Variants in HKDC1 observed in about 807,000 individuals in gnomAD.
HKDC1 encodes hexokinase domain containing 1.
HKDC1 carries 66 observed loss-of-function variants against 96.6 expected under a neutral mutation model. That is an observed-to-expected ratio of 0.68 (90% confidence interval 0.56 to 0.84). The LOEUF is 0.84. Ranked by LOEUF, HKDC1 falls within the 40% of genes least tolerant of loss-of-function variation. The probability of loss-of-function intolerance (pLI) is 0.00; values close to 1 mark genes in which losing one functional copy is unlikely to be tolerated. For missense variants in HKDC1, 1,211 were observed against 1,208.1 expected, an observed-to-expected ratio of 1.00 and a Z score of -0.04; for synonymous variants, 466 against 473.1, an observed-to-expected ratio of 0.98 and a Z score of 0.20.
chr10:69,250,752 G>T (rs1312999664), intron 12 of HKDC1, 100 bp downstream of exon 12: 41 of 1,362,968 alleles, frequency 3.0e-5, no homozygotes, highest in Non-Finnish European at 4.0e-5. Context: ...TTTTTACAGG[G>T]ATCTTGGGTT....
chr10:69,250,626 C>T lies in HKDC1; in HGVS notation c.1810C>T (p.Pro604Ser), dbSNP rs755664551. The change falls in exon 12 of 18, where the codon CCC (proline) becomes TCC (serine). Residue 604 changes from proline (P) to serine (S), a missense_variant. Coordinates refer to ENST00000354624, the MANE Select transcript of HKDC1 (RefSeq NM_025130.4). ...ACCTTTGGGCTTCACATTCTCATTT[C>T]CCTGCAGGCAGATGAGCATTGACAA... is the stretch of plus-strand genomic sequence containing the variant. ...SLPLGFTFSF[P>S]CRQMSIDKGT... 7.9e-5 allele frequency: 128 copies of T among 1,613,826 alleles called. No individual in the cohort carries two copies. The highest frequency in any genetic ancestry group is 1.0e-4 in the Non-Finnish European group (119 of 1,180,012).
intron 8 of HKDC1, among the ~76,000 whole-genome samples, chr10:69,246,736 C>T (rs918951798): frequency 5.3e-5 from 8 of 152,346 alleles, no homozygotes; most frequent in African/African-American, 1.9e-4. Context: ...ACAGGTCCCT[C>T]GCATGGAGCT....
chr10:69,248,599 C>T lies in HKDC1; in HGVS notation c.1441C>T (p.Arg481Ter), dbSNP rs1043037706. ...GGTGCTGGCTTTGTTCCAGCTGACC[C>T]GAGAGCAGCTCGTGGACGTGCAGGC... ...DRVLALFQLT[R>*]EQLVDVQAKM... Residue 481 changes from arginine to a stop codon, truncating the protein, a stop_gained, in exon 10 of 18, where the codon CGA becomes TGA. Coordinates refer to ENST00000354624, the MANE Select transcript of HKDC1 (RefSeq NM_025130.4). LOFTEE classifies it high-confidence loss of function. 9.9e-6 allele frequency: 16 copies of T among 1,613,990 alleles called. No individual in the cohort carries two copies. In the Middle Eastern group the frequency reaches 4.9e-4, roughly 50 times the overall value.
At chr10:69,249,183 G>A (rs548296709) in intron 10 of HKDC1, among the ~76,000 whole-genome samples, 29 of 152,196 alleles carry the variant, frequency 1.9e-4, no homozygotes, top group Admixed American at 1.6e-3. Flanking sequence ...TCTGGTCCTC[G>A]GTGCTCAGCC....
chr10:69,220,484 G>A lies in HKDC1; in HGVS notation c.49G>A (p.Asp17Asn), dbSNP rs765210386. The A allele has an allele frequency of 1.2e-6, 2 of 1,600,158 alleles. No individual in the cohort carries two copies. Among genetic ancestry groups the A allele is most frequent in the Non-Finnish European group, 1.7e-6 (2 of 1,173,910 alleles). ...MAFYFSKLKEDQIKKVDRFLY... is the reference protein window; with the variant it reads ...MAFYFSKLKENQIKKVDRFLY... ...ATTTTACTTCAGCAAGCTGAAGGAG[G>A]ACCAGATCAAGAAGGTAAGGAGGAC... Residue 17 changes from aspartate to asparagine, a missense_variant, in exon 1 of 18, where the codon GAC (aspartate) becomes AAC (asparagine). Coordinates refer to ENST00000354624, the MANE Select transcript of HKDC1 (RefSeq NM_025130.4).
chr10:69,230,695 C>G (rs543827103), intron 2 of HKDC1, among the ~76,000 whole-genome samples: 277 of 152,338 alleles, frequency 1.8e-3, no homozygotes, highest in African/African-American at 6.2e-3. Flanking sequence ...ATCACTGCAG[C>G]CTTGACCTTC....
In HKDC1 at chr10:69,250,525, C is replaced by T; in HGVS notation, c.1717-8C>T. The stretch of plus-strand genomic sequence containing the variant: ...CTGGTGTGAATGCCGCTCTCTCTCT[C>T]TCTGCAGCTCTTTGATCACATTGTG... On this transcript the variant is annotated splice_region_variant and splice_polypyrimidine_tract_variant and intron_variant, in intron 11 of 17. Coordinates refer to ENST00000354624, the MANE Select transcript of HKDC1 (RefSeq NM_025130.4). 2 of 1,614,110 alleles carry T rather than the reference C, an allele frequency of 1.2e-6. No individual in the cohort carries two copies. The highest frequency in any genetic ancestry group is 8.5e-7 in the Non-Finnish European group (1 of 1,180,016).
rs887127392 is a variant in HKDC1 at position 69,254,311 on chromosome 10, GAA to G, written c.1837-2716_1837-2715del. Among the ~76,000 whole-genome samples the G allele has an allele frequency of 8.2e-5, 12 of 145,566 alleles. 1 individual carries two copies. The East Asian group carries it at 2.3e-3, about 28-fold the overall frequency. ...CAGAGAAGACTCAGTCTCAAAAAGA[GAA>G]AAAAAAAATTTTTTTAACCATTTTC... On this transcript the variant is annotated intron_variant, in intron 12 of 17. Coordinates refer to ENST00000354624, the MANE Select transcript of HKDC1 (RefSeq NM_025130.4).
chr10:69,249,174 C>CT (rs1489589375), intron 10 of HKDC1, among the ~76,000 whole-genome samples: 2 of 152,208 alleles, frequency 1.3e-5, no homozygotes, highest in Non-Finnish European at 2.9e-5. Context: ...CTTGATCCTT[C>CT]TGGTCCTCGG....
chr10:69,266,082 A>G (rs1475322693), intron 17 of HKDC1, among the ~76,000 whole-genome samples: 1 of 152,210 alleles, frequency 6.6e-6, no homozygotes, highest in Non-Finnish European at 1.5e-5. Flanking sequence ...GCCAGCACTA[A>G]TAATCCCTAC....
intron 4 of HKDC1, 63 bp downstream of exon 4, chr10:69,233,196 G>A: frequency 1.2e-6 from 2 of 1,600,550 alleles, no homozygotes; most frequent in East Asian, 2.2e-5. Flanking sequence ...GCACGGGTGG[G>A]AGTCAGGCTG....
At chr10:69,249,211 A>G (rs968531397) in intron 10 of HKDC1, among the ~76,000 whole-genome samples, 1 of 152,220 alleles carries the variant, frequency 6.6e-6, no homozygotes, top group African/African-American at 2.4e-5. Flanking sequence ...GCCACTAAGT[A>G]GTGAAATCAG....
rs1843619445 is a variant in HKDC1, at chr10:69,250,325, A to G, written c.1606A>G (p.Thr536Ala). 4 of 1,614,114 alleles carry G rather than the reference A, an allele frequency of 2.5e-6. No individual in the cohort carries two copies. The highest frequency in any genetic ancestry group is 2.5e-6 in the Non-Finnish European group (3 of 1,179,958). The change falls in exon 11 of 18, where the codon ACC becomes GCC. Residue 536 changes from threonine (T) to alanine (A), a missense_variant. Thr to Ala is a moderately conservative substitution (Grantham distance 58, BLOSUM62 0). Transcript: ENST00000354624. Reference protein sequence around the residue: ...GKFLALDLGGTNFRVLLVKIR... With the variant: ...GKFLALDLGGANFRVLLVKIR... ...GTTTCTCGCCCTGGATCTTGGGGGA[A>G]CCAACTTCCGGGTCCTCCTGGTGAA...
intron 12 of HKDC1, among the ~76,000 whole-genome samples, 190 bp from the exon 13 acceptor site, chr10:69,256,846 A>G (rs1168163457): frequency 6.6e-6 from 1 of 152,120 alleles, no homozygotes; most frequent in African/African-American, 2.4e-5. Flanking sequence ...TCAGTGATAG[A>G]CCTTGTCTGA....
intron 15 of HKDC1, among the ~76,000 whole-genome samples, chr10:69,259,640 C>T (rs1247468712): frequency 6.6e-6 from 1 of 152,164 alleles, no homozygotes; most frequent in African/African-American, 2.4e-5. Flanking sequence ...TTAATTGGCT[C>T]ACAGTTCCAC....
At chr10:69,223,284 C>T (rs1843096264) in intron 1 of HKDC1, 2 of 152,280 alleles carry the variant, frequency 1.3e-5, no homozygotes, top group South Asian at 2.1e-4. Flanking sequence ...CTTTAATTTA[C>T]TTTTAATCTC....
chr10:69,264,880 T>G (rs901946321), intron 16 of HKDC1, among the ~76,000 whole-genome samples: 3 of 152,196 alleles, frequency 2.0e-5, no homozygotes, highest in African/African-American at 7.2e-5. Context: ...TAGTTCACTG[T>G]GAGATGACCA....
At chr10:69,235,196 C>T (rs1564727741) in intron 4 of HKDC1, among the ~76,000 whole-genome samples, 2 of 152,034 alleles carry the variant, frequency 1.3e-5, no homozygotes, top group Non-Finnish European at 2.9e-5. Flanking sequence ...CCGAGGGGGG[C>T]AGATCACCTG....
intron 16 of HKDC1, 48 bp downstream of exon 16, chr10:69,261,342 C>T (rs760624714): frequency 1.0e-5 from 16 of 1,581,040 alleles, no homozygotes; most frequent in Non-Finnish European, 1.3e-5. Flanking sequence ...GCATATGCTG[C>T]CACCACGCTG....
Sources: allele counts gnomAD v4.1 joint callset (sites outside exome capture counted in the v4.1 genomes callset), GRCh38; gene constraint gnomAD v4.1.1; transcripts MANE v1.5; gene names NCBI Gene and HGNC (gene_info 2026-07-23, HGNC 2026-07-21).